Variants in POR observed in about 807,000 individuals in gnomAD.
POR encodes NADPH--cytochrome P450 reductase.
POR carries 56 observed loss-of-function variants against 84.0 expected under a neutral mutation model. The ratio of observed to expected loss-of-function variants is 0.67; its 90% CI spans 0.54 to 0.83. The LOEUF is 0.83. POR is among the 40% of genes least tolerant of loss of function. The pLI is 0.00. For synonymous variants in POR, 414 were observed against 400.5 expected (o/e 1.03, Z -0.40); for missense variants, 938 against 944.3 (o/e 0.99, Z 0.09).
chr7:75,941,728 A>G (rs1786926763), intron 1 of POR, among the ~76,000 whole-genome samples: 2 of 152,224 alleles, frequency 1.3e-5, no homozygotes, highest in Admixed American at 1.3e-4. Context: ...CTGTAATCCC[A>G]GCACTTTGGG....
In POR at chr7:75,985,704, CCGTGCGCTGGTGCCCATGTT is replaced by C. The variant is rs1789402781; in HGVS notation, c.1532_1551del (p.Leu511GlnfsTer57). Reference sequence around the variant, plus strand: ...AGGAGCCTGCCGGGGAGAACGGCGGCCGTGCGCTGGTGCCCATGTTCGTGCGCAAGTCCCAGTTCCGCCTG... The same window carrying C: ...AGGAGCCTGCCGGGGAGAACGGCGGCCGTGCGCAAGTCCCAGTTCCGCCTG... On this transcript the variant is annotated frameshift_variant, in exon 13 of 16. Transcript: ENST00000461988. LOFTEE classifies it high-confidence loss of function. 3 of 1,587,800 alleles carry C rather than the reference CCGTGCGCTGGTGCCCATGTT, an allele frequency of 1.9e-6. No individual in the cohort carries two copies. The highest frequency in any genetic ancestry group is 2.6e-6 in the Non-Finnish European group (3 of 1,168,914).
chr7:75,944,394 G>A (rs529757094), intron 1 of POR, among the ~76,000 whole-genome samples: 4 of 152,264 alleles, frequency 2.6e-5, no homozygotes, highest in Admixed American at 6.5e-5. Flanking sequence ...TTAGCCAGGC[G>A]TGGTGGCACA....
rs572454101 is a variant in POR at position 75,931,469 on chromosome 7, C to T, written c.-5+16290C>T. Among the ~76,000 whole-genome samples, 53 of 151,826 alleles carry T rather than the reference C, an allele frequency of 3.5e-4. No homozygotes were observed. In the East Asian group the frequency reaches 8.9e-3, roughly 26 times the overall value. On this transcript the variant is annotated intron_variant, in intron 1 of 15. Coordinates refer to ENST00000461988, the MANE Select transcript of POR (RefSeq NM_000941.3). ...GCAACCTCCACCTCCCAGGTTCAAG[C>T]GATTCTCCTGCCTTAGCCTCCCGAG...
At chr7:75,933,380 T>TTTTTG (rs1807513238) in intron 1 of POR, among the ~76,000 whole-genome samples, 1 of 84,544 alleles carries the variant, frequency 1.2e-5, no homozygotes, top group African/African-American at 1.2e-4. Flanking sequence ...GTCTTTGTTT[T>TTTTTG]TTTTTTTTTT....
intron 3 of POR, among the ~76,000 whole-genome samples, chr7:75,973,123 AATTTAACT>A (rs1563425294): frequency 6.6e-6 from 1 of 151,812 alleles, no homozygotes; most frequent in African/African-American, 2.4e-5. Flanking sequence ...GCACCCAGCC[AATTTAACT>A]ATTTAATTGT....
Position 75,982,222 on chromosome 7 carries a change from A to T in POR, c.732-2A>T, listed in dbSNP as rs782343026. 188 of 1,607,848 alleles carry T rather than the reference A, an allele frequency of 1.2e-4. No individual in the cohort carries two copies. Among genetic ancestry groups the T allele is most frequent in the Non-Finnish European group, 1.6e-4 (186 of 1,177,454 alleles). ...GCCTCACCCTTGGTCTCCCCTTTCC[A>T]GCATTCGCCAGTACGAGCTTGTGGT... On this transcript the variant is annotated splice_acceptor_variant, in intron 7 of 15. Transcript: ENST00000461988. LOFTEE classifies it high-confidence loss of function.
intron 3 of POR, among the ~76,000 whole-genome samples, chr7:75,974,524 C>CTTTTTTTTTTTTTTTTTTTTTTTTTTT (rs1238804117): frequency 1.9e-5 from 2 of 107,914 alleles, no homozygotes; most frequent in Non-Finnish European, 1.8e-5. Context: ...TTTTTCTTTT[C>CTTTTTTTTTTTTTTTTTTTTTTTTTTT]TTTTTTTTTT....
rs1789488893 is a variant in POR at position 75,986,562 on chromosome 7, G to A, written c.*81G>A. 6.6e-7 allele frequency: 1 copy of A among 1,519,212 alleles called. No homozygotes were observed. Among genetic ancestry groups the A allele is most frequent in the Non-Finnish European group, 8.8e-7 (1 of 1,132,634 alleles). The allele number at this position is 1,519,212 out of a possible 1,614,324, so 94.1% of individuals were successfully genotyped here. A position where few individuals can be genotyped will look rare whatever the true frequency, so the allele number is the denominator to read the frequency against. ...CTCCCTCCCGTAGTCTCCTGGGTGT[G>A]TTTGGCTTGGCCTTGGCATGGGCGC... On this transcript the variant is annotated 3_prime_UTR_variant, in exon 16 of 16. Transcript: ENST00000461988.
rs72557942 is a variant in POR, at chr7:75,983,819, C to T, written c.1029C>T (p.Ala343=). The T allele has an allele frequency of 2.2e-5, 36 of 1,611,578 alleles. No individual in the cohort carries two copies. The highest frequency in any genetic ancestry group is 1.0e-4 in the Admixed American group (6 of 59,816). ...ACCAGCTGGGCAAAATCCTGGGTGCCGACCTGGACGTCGTCATGTCCCTGA... is the reference window on the plus strand; with the variant it reads ...ACCAGCTGGGCAAAATCCTGGGTGCTGACCTGGACGTCGTCATGTCCCTGA... The change falls in exon 10 of 16, where the codon GCC becomes GCT. Residue 343 remains alanine (A), a synonymous_variant. Transcript: ENST00000461988.
intron 1 of POR, among the ~76,000 whole-genome samples, chr7:75,942,796 T>C (rs1786990202): frequency 6.6e-6 from 1 of 151,986 alleles, no homozygotes. Context: ...TTGAAATGAC[T>C]TTACCGCAAT....
chr7:75,983,396 G>T (rs893876187), intron 8 of POR, 124 bp from the exon 9 acceptor site: 2 of 691,062 alleles, frequency 2.9e-6, no homozygotes, highest in Admixed American at 2.5e-5. Flanking sequence ...TGATGTAACC[G>T]GTGAGATTTC....
At chr7:75,922,852 G>A in intron 1 of POR, 1 of 564,178 alleles carries the variant, frequency 1.8e-6, no homozygotes, top group Admixed American at 2.7e-5. Flanking sequence ...GTCAAAGTAG[G>A]CACTTTTGGC....
At chr7:75,929,481 T>A (rs1322726492) in intron 1 of POR, among the ~76,000 whole-genome samples, 2 of 152,308 alleles carry the variant, frequency 1.3e-5, no homozygotes, top group Middle Eastern at 3.4e-3. Context: ...CTTGAACTCC[T>A]GACCTCAGGT....
chr7:75,921,091 T>A (rs924007382), intron 1 of POR: 63 of 152,374 alleles, frequency 4.1e-4, no homozygotes, highest in East Asian at 3.9e-4. Context: ...GTCACAGCAG[T>A]GATCAAAAGC....
At position 75,929,952 on chromosome 7, in the gene POR, T is replaced by C. The variant is rs538073357; in HGVS notation, c.-5+14773T>C. ...ATGGGCCAGGAGTTGGGTCACCCCT[T>C]CCTTGTCTAGGGTTGCAACAAGAAG... On this transcript the variant is annotated intron_variant, in intron 1 of 15. Coordinates refer to ENST00000461988, the MANE Select transcript of POR (RefSeq NM_000941.3). 1.8e-4 allele frequency among the ~76,000 whole-genome samples: 28 copies of C among 152,292 alleles called. 1 individual carries two copies. In the South Asian group the frequency reaches 5.6e-3, roughly 30 times the overall value.
chr7:75,930,622 A>C (rs1807366081), intron 1 of POR, among the ~76,000 whole-genome samples: 1 of 152,148 alleles, frequency 6.6e-6, no homozygotes, highest in African/African-American at 2.4e-5. Flanking sequence ...TCCCGGGTTC[A>C]AGTGATTCTC....
rs1789377587 is a variant in POR at position 75,985,437 on chromosome 7, G to A, written c.1399-142G>A. ...CAGAACCAGTCCGGGAAGCCGCTGGGGAGGGGGCCTCTGAGGTTTGGGTGC... is the reference window on the plus strand; with the variant it reads ...CAGAACCAGTCCGGGAAGCCGCTGGAGAGGGGGCCTCTGAGGTTTGGGTGC... On this transcript the variant is annotated intron_variant, in intron 12 of 15. Transcript: ENST00000461988. 7 of 1,186,744 alleles carry A rather than the reference G, an allele frequency of 5.9e-6. No homozygotes were observed. In the South Asian group the frequency reaches 1.0e-4, roughly 17 times the overall value. 73.5% of individuals were successfully genotyped at this position (1,186,744 alleles called of 1,614,324 possible).
intron 1 of POR, among the ~76,000 whole-genome samples, chr7:75,953,199 ATCGC>A (rs1554553168): frequency 7.2e-5 from 11 of 151,882 alleles, no homozygotes; most frequent in Admixed American, 1.3e-4. Flanking sequence ...CGCGCCTGCA[ATCGC>A]AGGCACTCGG....
chr7:75,958,240 C>G lies in POR; in HGVS notation c.188+4060C>G, dbSNP rs569779129. On this transcript the variant is annotated intron_variant, in intron 2 of 15. Coordinates refer to ENST00000461988, the MANE Select transcript of POR (RefSeq NM_000941.3). ...CAAGAGATCCTCCCACTTTGGCCTCCCAAGTAGCTGGGACTACAGGCGTGC... is the reference window on the plus strand; with the variant it reads ...CAAGAGATCCTCCCACTTTGGCCTCGCAAGTAGCTGGGACTACAGGCGTGC... 4.6e-5 allele frequency among the ~76,000 whole-genome samples: 7 copies of G among 152,250 alleles called. No homozygotes were observed. In the South Asian group the frequency reaches 8.3e-4, roughly 18 times the overall value.
Sources: allele counts gnomAD v4.1 joint callset (sites outside exome capture counted in the v4.1 genomes callset), GRCh38; gene constraint gnomAD v4.1.1; transcripts MANE v1.5; gene names NCBI Gene and HGNC (gene_info 2026-07-23, HGNC 2026-07-21).